GPATCH2L: variants seen among roughly 807,000 people sequenced by gnomAD.
GPATCH2L encodes G-patch domain containing 2 like.
In GPATCH2L, 31 loss-of-function variants were observed where a neutral mutation model predicts 57.4. That is an observed-to-expected ratio of 0.54 (90% confidence interval 0.41 to 0.73). GPATCH2L has a LOEUF of 0.73. Among genes scored for constraint, GPATCH2L ranks in the 30% least tolerant of loss-of-function variants. The pLI, the probability that GPATCH2L is intolerant of heterozygous loss-of-function variation, is 0.00. For missense variants in GPATCH2L, 481 were observed against 599.9 expected (o/e 0.80, Z 2.07); for synonymous variants, 199 against 210.7 (o/e 0.94, Z 0.48).
intron 2 of GPATCH2L, among the ~76,000 whole-genome samples, chr14:76,160,083 G>A (rs1018116458): frequency 5.3e-5 from 8 of 151,566 alleles, no homozygotes; most frequent in African/African-American, 1.7e-4. Flanking sequence ...GCAGTGAGCC[G>A]AGATCACACC....
chr14:76,170,400 G>A lies in GPATCH2L; in HGVS notation c.728-1443G>A, dbSNP rs546351160. ...ACAATTATCTATTCTTTGTTGGCAGGAATAAACTCTAGTGGAAACTGAGAT... is the reference window on the plus strand; with the variant it reads ...ACAATTATCTATTCTTTGTTGGCAGAAATAAACTCTAGTGGAAACTGAGAT... On this transcript the variant is annotated intron_variant, in intron 3 of 9. Coordinates refer to ENST00000261530, the MANE Select transcript of GPATCH2L (RefSeq NM_017926.4). Among the ~76,000 whole-genome samples, 5 of 152,242 alleles carry A rather than the reference G, an allele frequency of 3.3e-5. No individual in the cohort carries two copies. In the South Asian group the frequency reaches 8.3e-4, roughly 25 times the overall value.
At chr14:76,193,264 G>T (rs1213572829) in intron 8 of GPATCH2L, among the ~76,000 whole-genome samples, 8 of 151,808 alleles carry the variant, frequency 5.3e-5, no homozygotes, top group African/African-American at 1.9e-4. Flanking sequence ...GAAAGTGTGA[G>T]ATAAGTAGTA....
At chr14:76,174,668 C>G (rs1346585710) in intron 5 of GPATCH2L, 2 of 150,280 alleles carry the variant, frequency 1.3e-5, no homozygotes, top group Non-Finnish European at 3.0e-5. Context: ...GAATCTCGCT[C>G]TGTGACCTAG....
chr14:76,159,962 C>G (rs2038497520), intron 2 of GPATCH2L, among the ~76,000 whole-genome samples: 1 of 152,054 alleles, frequency 6.6e-6, no homozygotes, highest in African/African-American at 2.4e-5. Flanking sequence ...GAAACCCCGA[C>G]TCTACTAAAA....
At chr14:76,217,596 GA>G (rs11312530), downstream of GPATCH2L, among the ~76,000 whole-genome samples, 31,428 of 150,666 alleles carry the variant, frequency 0.21, 3,610 homozygotes, top group African/African-American at 0.31. Flanking sequence ...TTTGACTGTT[GA>G]AAAAAAAACC....
intron 1 of GPATCH2L, among the ~76,000 whole-genome samples, chr14:76,219,935 A>AT (rs2139861370): frequency 6.6e-6 from 1 of 152,250 alleles, no homozygotes; most frequent in East Asian, 1.9e-4. Flanking sequence ...TAGAAAAGTG[A>AT]TTAGCTGCCC....
chr14:76,196,031 G>A lies in GPATCH2L; in HGVS notation c.1288+59G>A, dbSNP rs980979098. On this transcript the variant is annotated intron_variant, in intron 9 of 9. Coordinates refer to ENST00000261530, the MANE Select transcript of GPATCH2L (RefSeq NM_017926.4). ...TACCGTGTGCCAGGCACTAAATTAT[G>A]TGTTTTGTATACCTTTTCATGTAAT... The A allele has an allele frequency of 2.8e-5, 34 of 1,212,736 alleles. 1 individual carries two copies. The highest frequency in any genetic ancestry group is 4.0e-5 in the Non-Finnish European group (33 of 822,100). The allele number at this position is 1,212,736 out of a possible 1,614,324, so 75.1% of individuals were successfully genotyped here.
chr14:76,168,840 G>A lies in GPATCH2L; in HGVS notation c.727+2113G>A, dbSNP rs1344275775. ...ATAGAGAGTACTTGGAAATGCTAAT[G>A]CAGTCTACCACATTAGATTATTGCT... On this transcript the variant is annotated intron_variant, in intron 3 of 9. Coordinates refer to ENST00000261530, the MANE Select transcript of GPATCH2L (RefSeq NM_017926.4). 3.9e-5 allele frequency among the ~76,000 whole-genome samples: 6 copies of A among 152,356 alleles called. No homozygotes were observed. In the East Asian group the frequency reaches 5.8e-4, roughly 15 times the overall value.
At chr14:76,214,540 A>G (rs917744971), downstream of GPATCH2L, among the ~76,000 whole-genome samples, 8 of 152,176 alleles carry the variant, frequency 5.3e-5, no homozygotes, top group Admixed American at 1.3e-4. Flanking sequence ...GTCTGGTGAG[A>G]GCTTGCCTTC....
At position 76,180,751 on chromosome 14, in the gene GPATCH2L, T is replaced by C. The variant is rs781171295; in HGVS notation, c.1108-13T>C. On this transcript the variant is annotated splice_polypyrimidine_tract_variant and intron_variant, in intron 7 of 9. Coordinates refer to ENST00000261530, the MANE Select transcript of GPATCH2L (RefSeq NM_017926.4). ...TGTAAGCCTTACTAAAATAGTCTTA[T>C]TCATTCCTGCAGTTCAATCCCCTGT... The C allele has an allele frequency of 2.6e-6, 4 of 1,568,256 alleles. No individual in the cohort carries two copies. The highest frequency in any genetic ancestry group is 3.5e-6 in the Non-Finnish European group (4 of 1,138,078).
At chr14:76,223,937 C>T (rs2040525977) in intron 1 of GPATCH2L, among the ~76,000 whole-genome samples, 1 of 152,170 alleles carries the variant, frequency 6.6e-6, no homozygotes, top group South Asian at 2.1e-4. Context: ...AGCTTGTACA[C>T]AAATGTTCAT....
chr14:76,162,249 C>T lies in GPATCH2L; in HGVS notation c.663-4414C>T, dbSNP rs938761037. ...ACATGGCTGTTGGCAGAGCTCATTT[C>T]CTCATAAAGCTATTGGACTTAGAGT... On this transcript the variant is annotated intron_variant, in intron 2 of 9. Transcript: ENST00000261530. 6.2e-4 allele frequency among the ~76,000 whole-genome samples: 94 copies of T among 152,158 alleles called. 1 individual carries two copies. The highest frequency in any genetic ancestry group is 2.1e-3 in the African/African-American group (89 of 41,418).
At chr14:76,163,847 G>A (rs545864232) in intron 2 of GPATCH2L, among the ~76,000 whole-genome samples, 2 of 152,192 alleles carry the variant, frequency 1.3e-5, no homozygotes, top group African/African-American at 2.4e-5. Flanking sequence ...TTCTATTTAC[G>A]TAACATTCAC....
chr14:76,214,808 G>A (rs1392947263), downstream of GPATCH2L, among the ~76,000 whole-genome samples: 15 of 152,136 alleles, frequency 9.9e-5, no homozygotes, highest in Non-Finnish European at 1.5e-5. Context: ...AGGTCAGTCA[G>A]TTTTATCTTC....
At chr14:76,230,997 A>T (rs2040558776) in intron 2 of GPATCH2L, among the ~76,000 whole-genome samples, 1 of 152,164 alleles carries the variant, frequency 6.6e-6, no homozygotes, top group South Asian at 2.1e-4. Flanking sequence ...CTTGCCCTAA[A>T]CTTAACTTTA....
chr14:76,169,380 C>G (rs574595322), intron 3 of GPATCH2L, among the ~76,000 whole-genome samples: 132 of 152,266 alleles, frequency 8.7e-4, no homozygotes, highest in Non-Finnish European at 1.4e-3. Flanking sequence ...TATTTATAAT[C>G]CAATTAAGGG....
chr14:76,191,846 T>C (rs975201152), intron 8 of GPATCH2L, among the ~76,000 whole-genome samples: 6 of 152,144 alleles, frequency 3.9e-5, no homozygotes, highest in African/African-American at 1.4e-4. Context: ...TTGTTAACTA[T>C]AGTCACCTTA....
chr14:76,188,907 C>A (rs948494473), intron 8 of GPATCH2L, among the ~76,000 whole-genome samples: 2 of 152,070 alleles, frequency 1.3e-5, no homozygotes, highest in African/African-American at 4.8e-5. Flanking sequence ...GGTCTAGTTT[C>A]ATTCTTCTGC....
chr14:76,161,124 G>A (rs1316238238), intron 2 of GPATCH2L, among the ~76,000 whole-genome samples: 1 of 152,186 alleles, frequency 6.6e-6, no homozygotes, highest in Non-Finnish European at 1.5e-5. Context: ...TCAGAAGTCT[G>A]ATTACAAAGG....
Sources: allele counts gnomAD v4.1 joint callset (sites outside exome capture counted in the v4.1 genomes callset), GRCh38; gene constraint gnomAD v4.1.1; transcripts MANE v1.5; gene names NCBI Gene and HGNC (gene_info 2026-07-23, HGNC 2026-07-21).